SEPTIN9: variants seen among roughly 807,000 people sequenced by gnomAD.
SEPTIN9 encodes septin 9, also known as septin-9.
SEPTIN9 carries 13 observed loss-of-function variants against 56.6 expected under a neutral mutation model. The observed-to-expected ratio is 0.23, with a 90% confidence interval of 0.15 to 0.37. The LOEUF is 0.37. Among genes scored for constraint, SEPTIN9 ranks in the 10% least tolerant of loss-of-function variants. SEPTIN9 has a pLI of 1.00. For missense variants in SEPTIN9, 650 were observed against 823.1 expected, an observed-to-expected ratio of 0.79 and a Z score of 2.57; for synonymous variants, 332 against 334.1, an observed-to-expected ratio of 0.99 and a Z score of 0.07.
Position 77,445,525 on chromosome 17 carries a change from CGT to C in SEPTIN9, c.722-36605_722-36604del, listed in dbSNP as rs139208809. 4.7e-3 allele frequency: 1,804 copies of C among 382,846 alleles called. No individual in the cohort carries two copies. The highest frequency in any genetic ancestry group is 7.9e-3 in the East Asian group (101 of 12,728). 23.7% of individuals were successfully genotyped at this position (382,846 alleles called of 1,614,324 possible). On this transcript the variant is annotated intron_variant, in intron 3 of 11. Coordinates refer to ENST00000427177, the MANE Select transcript of SEPTIN9 (RefSeq NM_001113491.2). The surrounding 1 kb of genome is among the most constrained non-coding windows in gnomAD (Gnocchi z 4.7). ...GGGGGTTGGTGCATGTGTGCACGCACGTGTGTGTGTGTGTGCGTGCGTGCTGG... is the reference window on the plus strand; with the variant it reads ...GGGGGTTGGTGCATGTGTGCACGCACGTGTGTGTGTGTGCGTGCGTGCTGG...
In SEPTIN9 at chr17:77,492,750, G is replaced by T. The variant is rs1312516583; in HGVS notation, c.1476+34G>T. ...ATCCACTAGGATGTTGTTCCCAGGG[G>T]ACCCCCAGTTCCTGCTGAAGGGTGG... is the stretch of plus-strand genomic sequence containing the variant. On this transcript the variant is annotated intron_variant, in intron 9 of 11. Transcript: ENST00000427177. This position sits in a 1 kb window ranked among gnomAD's most constrained non-coding sequence, Gnocchi z 5.4. The T allele has an allele frequency of 1.3e-6, 2 of 1,583,944 alleles. No individual in the cohort carries two copies. Among genetic ancestry groups the T allele is most frequent in the African/African-American group, 2.7e-5 (2 of 74,380 alleles).
Position 77,488,717 on chromosome 17 carries a change from C to T in SEPTIN9, c.1125-10C>T, listed in dbSNP as rs199872443. On this transcript the variant is annotated splice_polypyrimidine_tract_variant and intron_variant, in intron 6 of 11. Transcript: ENST00000427177. ...ATGTGCCTGCTGACTCGTCCCCATC[C>T]CCCACGCAGCTGGCAGCCCATCATG... is the stretch of plus-strand genomic sequence containing the variant. 921 of 1,613,564 alleles carry T rather than the reference C, an allele frequency of 5.7e-4. 2 individuals are homozygous for T. Among genetic ancestry groups the T allele is most frequent in the South Asian group, 8.9e-4 (81 of 91,086 alleles).
intron 3 of SEPTIN9, among the ~76,000 whole-genome samples, chr17:77,464,167 G>A (rs2038604193): frequency 1.3e-5 from 2 of 151,866 alleles, no homozygotes; most frequent in African/African-American, 4.8e-5. Context: ...TCTGCCTCCT[G>A]GGTTCAAGTG....
chr17:77,475,286 C>T lies in SEPTIN9; in HGVS notation c.722-6858C>T. ...ACTGTCTGGACGCAGAGAGCAGGCT[C>T]TGTGTGGGAGCGGGGAGGGCAAGCC... On this transcript the variant is annotated intron_variant, in intron 3 of 11. Transcript: ENST00000427177. This position sits in a 1 kb window ranked among gnomAD's most constrained non-coding sequence, Gnocchi z 4.6. 2.1e-6 allele frequency: 3 copies of T among 1,413,100 alleles called. No individual in the cohort carries two copies. Among genetic ancestry groups the T allele is most frequent in the Admixed American group, 3.0e-5 (1 of 33,808 alleles). The allele number at this position is 1,413,100 out of a possible 1,614,324, so 87.5% of individuals were successfully genotyped here. A position where few individuals can be genotyped will look rare whatever the true frequency, so the allele number is the denominator to read the frequency against.
chr17:77,367,920 A>G lies in SEPTIN9; in HGVS notation c.77-34139A>G, dbSNP rs2034619046. On this transcript the variant is annotated intron_variant, in intron 2 of 11. Coordinates refer to ENST00000427177, the MANE Select transcript of SEPTIN9 (RefSeq NM_001113491.2). This position sits in a 1 kb window ranked among gnomAD's most constrained non-coding sequence, Gnocchi z 4.5. ...CATGTTTGTAGCAGCTTTACTCTCA[A>G]TTGCTCAAATGTGGAAGGAATGGAT... Among the ~76,000 whole-genome samples the G allele has an allele frequency of 6.6e-6, 1 of 152,270 alleles. No homozygotes were observed. The highest frequency in any genetic ancestry group is 6.5e-5 in the Admixed American group (1 of 15,292).
chr17:77,348,677 C>G (rs150876910), intron 2 of SEPTIN9, among the ~76,000 whole-genome samples: 34 of 152,248 alleles, frequency 2.2e-4, no homozygotes, highest in African/African-American at 7.9e-4. Context: ...ACATTCTTAG[C>G]TTTTCACAGT....
In SEPTIN9 at chr17:77,317,233, A is replaced by T. The variant is rs994574282; in HGVS notation, c.76+10036A>T. 6.6e-6 allele frequency among the ~76,000 whole-genome samples: 1 copy of T among 152,100 alleles called. No homozygotes were observed. Among genetic ancestry groups the T allele is most frequent in the African/African-American group, 2.4e-5 (1 of 41,416 alleles). On this transcript the variant is annotated intron_variant, in intron 2 of 11. Coordinates refer to ENST00000427177, the MANE Select transcript of SEPTIN9 (RefSeq NM_001113491.2). This position sits in a 1 kb window ranked among gnomAD's most constrained non-coding sequence, Gnocchi z 4.2. ...CAGCTCTGCAGGCCACACATCCGAG[A>T]TCAGGGTCACCAGGCTGAAATCAGG...
chr17:77,352,363 C>T (rs1291167123), intron 2 of SEPTIN9, among the ~76,000 whole-genome samples: 3 of 151,836 alleles, frequency 2.0e-5, no homozygotes, highest in Non-Finnish European at 2.9e-5. Flanking sequence ...GCCGAGATCG[C>T]GCCATTGCAC....
rs200362120 is a variant in SEPTIN9 at position 77,484,857 on chromosome 17, GGGT to G, written c.913+2530_913+2532del. On this transcript the variant is annotated intron_variant, in intron 4 of 11. Coordinates refer to ENST00000427177, the MANE Select transcript of SEPTIN9 (RefSeq NM_001113491.2). Reference sequence around the variant, plus strand: ...ATGGTGGTTGTGATGGTGGTGATGTGGGTGGTGGTGATTGTGATGGTTGTGATT... The same window carrying G: ...ATGGTGGTTGTGATGGTGGTGATGTGGGTGGTGATTGTGATGGTTGTGATT... 1.9e-5 allele frequency among the ~76,000 whole-genome samples: 2 copies of G among 105,178 alleles called. 1 individual carries two copies. Among genetic ancestry groups the G allele is most frequent in the African/African-American group, 7.8e-5 (2 of 25,772 alleles). 69.0% of individuals were successfully genotyped at this position (105,178 alleles called of 152,430 possible). A position where few individuals can be genotyped will look rare whatever the true frequency, so the allele number is the denominator to read the frequency against.
At position 77,433,830 on chromosome 17, in the gene SEPTIN9, G is replaced by A. The variant is rs906273856; in HGVS notation, c.721+31127G>A. ...CCCCCCGCCCCAGGCACTTGATGTT[G>A]CCTGTTCATTTTCCCTCTCTGCCCC... is the stretch of plus-strand genomic sequence containing the variant. On this transcript the variant is annotated intron_variant, in intron 3 of 11. Transcript: ENST00000427177. This position sits in a 1 kb window ranked among gnomAD's most constrained non-coding sequence, Gnocchi z 6.4. Among the ~76,000 whole-genome samples, 2 of 151,996 alleles carry A rather than the reference G, an allele frequency of 1.3e-5. No homozygotes were observed. Among genetic ancestry groups the A allele is most frequent in the African/African-American group, 4.8e-5 (2 of 41,376 alleles).
chr17:77,489,130 G>A (rs2039922276), intron 7 of SEPTIN9, among the ~76,000 whole-genome samples: 1 of 152,212 alleles, frequency 6.6e-6, no homozygotes, highest in African/African-American at 2.4e-5. Flanking sequence ...GGCTGTTCTG[G>A]AGCCTGGTGG....
intron 2 of SEPTIN9, among the ~76,000 whole-genome samples, chr17:77,322,364 A>T (rs2032969034): frequency 6.6e-6 from 1 of 151,680 alleles, no homozygotes; most frequent in Non-Finnish European, 1.5e-5. Context: ...TGAAGCGGGG[A>T]CCTCCCCTCG....
chr17:77,466,136 A>G (rs1282220916), intron 3 of SEPTIN9, among the ~76,000 whole-genome samples: 2 of 151,596 alleles, frequency 1.3e-5, no homozygotes, highest in Admixed American at 6.6e-5. Flanking sequence ...ATGTGTGCCC[A>G]TGAAAGTGCC....
chr17:77,374,220 C>T (rs1057422368), intron 2 of SEPTIN9: 1 of 152,664 alleles, frequency 6.6e-6, no homozygotes, highest in African/African-American at 2.4e-5. Context: ...AGAATCGGGC[C>T]GTGGGGGACA....
intron 2 of SEPTIN9, among the ~76,000 whole-genome samples, chr17:77,316,717 TTTA>T (rs1567989643): frequency 2.9e-5 from 4 of 139,928 alleles, no homozygotes; most frequent in Non-Finnish European, 3.2e-5. Context: ...TTTTTTTTTT[TTTA>T]ATTTGAGACA....
intron 1 of SEPTIN9, among the ~76,000 whole-genome samples, chr17:77,290,318 C>T (rs1163219790): frequency 2.0e-5 from 3 of 148,344 alleles, no homozygotes; most frequent in Admixed American, 6.8e-5. Flanking sequence ...AGTGCAGTGG[C>T]GCGATCTCCG....
At chr17:77,287,128 G>A (rs1254476852) in intron 1 of SEPTIN9, among the ~76,000 whole-genome samples, 4 of 152,318 alleles carry the variant, frequency 2.6e-5, no homozygotes, top group South Asian at 2.1e-4. Context: ...CAGGCCTGAC[G>A]GCAACTGCCA....
chr17:77,449,078 C>T lies in SEPTIN9; in HGVS notation c.722-33066C>T, dbSNP rs1055513017. ...GTATGACAGGCGTGAGCCACTGTGC[C>T]TGGCTTGTTCTTACATTTTTTATTG... On this transcript the variant is annotated intron_variant, in intron 3 of 11. Transcript: ENST00000427177. The surrounding 1 kb of genome is among the most constrained non-coding windows in gnomAD (Gnocchi z 4.6). Among the ~76,000 whole-genome samples, 3 of 152,172 alleles carry T rather than the reference C, an allele frequency of 2.0e-5. No individual in the cohort carries two copies. Among genetic ancestry groups the T allele is most frequent in the African/African-American group, 7.2e-5 (3 of 41,436 alleles).
intron 2 of SEPTIN9, among the ~76,000 whole-genome samples, chr17:77,370,801 T>C (rs372039599): frequency 7.9e-5 from 12 of 152,232 alleles, no homozygotes; most frequent in South Asian, 6.2e-4. Flanking sequence ...CTCCTCACTA[T>C]CCTGTAGCAA....
Sources: allele counts gnomAD v4.1 joint callset (sites outside exome capture counted in the v4.1 genomes callset), GRCh38; gene constraint gnomAD v4.1.1; non-coding constraint Gnocchi (gnomAD v3.1); transcripts MANE v1.5; gene names NCBI Gene and HGNC (gene_info 2026-07-23, HGNC 2026-07-21).